Variants in C21orf58 observed in about 807,000 individuals in gnomAD.
The protein encoded by C21orf58 is uncharacterized protein C21orf58.
C21orf58 carries 34 observed loss-of-function variants against 35.8 expected under a neutral mutation model. The observed-to-expected ratio is 0.95, with a 90% CI of 0.72 to 1.26. C21orf58 has a LOEUF of 1.26. Ranked by LOEUF, C21orf58 falls within the 50% of genes most tolerant of loss-of-function variation. The probability of loss-of-function intolerance (pLI) is 0.00; values close to 1 mark genes in which losing one functional copy is unlikely to be tolerated. For missense variants in C21orf58, 440 were observed against 414.3 expected (o/e 1.06, Z -0.54); for synonymous variants, 191 against 175.8 (o/e 1.09, Z -0.68).
chr21:46,322,189 A>G (rs145825383), intron 1 of C21orf58, among the ~76,000 whole-genome samples: 1 of 152,142 alleles, frequency 6.6e-6, no homozygotes, highest in East Asian at 1.9e-4. Context: ...CAGGAGGCTG[A>G]CATGGAGAAT....
chr21:46,311,647 C>A, intron 5 of C21orf58, 80 bp from the exon 6 acceptor site: 1 of 761,836 alleles, frequency 1.3e-6, no homozygotes, highest in South Asian at 2.3e-5. Context: ...ATCCATCCAC[C>A]CACCCATCCA....
intron 6 of C21orf58, among the ~76,000 whole-genome samples, chr21:46,307,183 G>A (rs946755451): frequency 7.2e-5 from 11 of 151,762 alleles, no homozygotes; most frequent in Non-Finnish European, 1.6e-4. Context: ...GGTGTGAGCC[G>A]CTGCGCCCAG....
intron 6 of C21orf58, among the ~76,000 whole-genome samples, chr21:46,302,792 G>A (rs1269906826): frequency 1.9e-5 from 1 of 53,190 alleles, no homozygotes; most frequent in African/African-American, 8.1e-5. Flanking sequence ...CCCTGAGCCC[G>A]TCTGCACACG....
In C21orf58 at chr21:46,311,563, G is replaced by A; in HGVS notation, c.614C>T (p.Pro205Leu). ...DPPRIILPTV[P>L]QPPATIIQQL... is the part of the protein sequence containing the mutation. ...CTGAATGATGGTGGCAGGAGGCTGG[G>A]GGACCTAGGAACAGCCAGGTGATTA... The change falls in exon 6 of 8, where the codon CCC (proline) becomes CTC (leucine). Residue 205 changes from proline (P) to leucine (L), a missense_variant. Transcript: ENST00000291691. 6.2e-7 allele frequency: 1 copy of A among 1,605,318 alleles called. No individual in the cohort carries two copies. Among genetic ancestry groups the A allele is most frequent in the African/African-American group, 1.3e-5 (1 of 74,918 alleles).
At chr21:46,300,896 A>G, downstream of C21orf58, 1 of 961,210 alleles carries the variant, frequency 1.0e-6, no homozygotes, top group Non-Finnish European at 1.4e-6. Context: ...AAAAGTAACA[A>G]AAAGTAAAGA....
At position 46,315,491 on chromosome 21, in the gene C21orf58, G is replaced by A. The variant is rs770525970; in HGVS notation, c.427C>T (p.Leu143Phe). The change falls in exon 4 of 8, where the codon CTT becomes TTT. Residue 143 changes from leucine (L) to phenylalanine (F), a missense_variant. Transcript: ENST00000291691. ...GGGCCTACCCGGAGTCTCTGCAGAAGGTCCCTCCTTCTCTTCAGAGCAGTC... is the reference window on the plus strand; with the variant it reads ...GGGCCTACCCGGAGTCTCTGCAGAAAGTCCCTCCTTCTCTTCAGAGCAGTC... Reference protein sequence around the residue: ...LQTALKRRRDLLQRLREQHLL... With the variant: ...LQTALKRRRDFLQRLREQHLL... The A allele has an allele frequency of 1.7e-5, 27 of 1,608,826 alleles. No homozygotes were observed. In the Admixed American group the frequency reaches 4.0e-4, roughly 24 times the overall value.
At position 46,322,632 on chromosome 21, in the gene C21orf58, C is replaced by A; in HGVS notation, c.100+7G>T. The A allele has an allele frequency of 6.5e-7, 1 of 1,529,310 alleles. No homozygotes were observed. The highest frequency in any genetic ancestry group is 8.8e-7 in the Non-Finnish European group (1 of 1,135,652). 94.7% of individuals were successfully genotyped at this position (1,529,310 alleles called of 1,614,324 possible). A position where few individuals can be genotyped will look rare whatever the true frequency, so the allele number is the denominator to read the frequency against. On this transcript the variant is annotated splice_region_variant and intron_variant, in intron 1 of 7. Coordinates refer to ENST00000291691, the MANE Select transcript of C21orf58 (RefSeq NM_058180.5). ...GGAACCAGGAGACCGCTGGACACCC[C>A]GCTCACCACACAGAAGACTGTGGCC...
At chr21:46,315,677 T>A (rs1374751549) in intron 3 of C21orf58, 130 bp from the exon 4 acceptor site, 1 of 681,560 alleles carries the variant, frequency 1.5e-6, no homozygotes, top group African/African-American at 1.8e-5. Context: ...GGGGGAGGCC[T>A]GGGAGGATCC....
chr21:46,317,696 C>T (rs907897381), intron 2 of C21orf58, among the ~76,000 whole-genome samples: 4 of 152,212 alleles, frequency 2.6e-5, no homozygotes, highest in East Asian at 1.9e-4. Context: ...GCAGGGCTGG[C>T]GAAAGGTGGG....
intron 1 of C21orf58, chr21:46,318,651 G>A (rs2083062063): frequency 9.3e-7 from 1 of 1,078,078 alleles, no homozygotes; most frequent in Admixed American, 4.8e-5. Context: ...GGGAGGACAG[G>A]GTGAGGAGAC....
chr21:46,305,704 C>T (rs1327398169), intron 6 of C21orf58, among the ~76,000 whole-genome samples: 1 of 152,092 alleles, frequency 6.6e-6, no homozygotes, highest in East Asian at 1.9e-4. Context: ...CTTTGGGAGG[C>T]TGAGGTGGGC....
intron 2 of C21orf58, 182 bp from the exon 3 acceptor site, chr21:46,317,450 C>G: frequency 1.0e-6 from 1 of 993,146 alleles, no homozygotes; most frequent in Non-Finnish European, 1.5e-6. Flanking sequence ...CCTCTGTAAG[C>G]CTGACCTCTA....
At chr21:46,322,014 C>T (rs1417138983) in intron 1 of C21orf58, among the ~76,000 whole-genome samples, 2 of 146,630 alleles carry the variant, frequency 1.4e-5, no homozygotes, top group Non-Finnish European at 3.0e-5. Flanking sequence ...TGAGGCTGGG[C>T]GAGGTTGCTC....
intron 6 of C21orf58, among the ~76,000 whole-genome samples, chr21:46,306,845 C>T (rs1362249607): frequency 1.3e-5 from 2 of 152,126 alleles, no homozygotes; most frequent in African/African-American, 4.8e-5. Context: ...ACCTCGGCCT[C>T]CCAAAATGCT....
chr21:46,309,045 G>A (rs1421453261), intron 6 of C21orf58, among the ~76,000 whole-genome samples: 3 of 152,160 alleles, frequency 2.0e-5, no homozygotes, highest in East Asian at 1.9e-4. Context: ...TTGGCCAGGC[G>A]CAGTGGCTCA....
rs548061245 is a variant in C21orf58 at position 46,320,323 on chromosome 21, G to A, written c.101-2103C>T. ...TCACCATGTTGGCCAGACTGGTCTC[G>A]AACTCCTGACCTCAAGTGATCTGCC... On this transcript the variant is annotated intron_variant, in intron 1 of 7. Transcript: ENST00000291691. Among the ~76,000 whole-genome samples, 12 of 151,952 alleles carry A rather than the reference G, an allele frequency of 7.9e-5. 1 individual carries two copies. The highest frequency in any genetic ancestry group is 1.0e-4 in the Non-Finnish European group (7 of 67,946).
At chr21:46,318,974 G>C (rs1448255383) in intron 1 of C21orf58, 6 of 487,464 alleles carry the variant, frequency 1.2e-5, no homozygotes, top group African/African-American at 2.1e-5. Flanking sequence ...GTGGACCCGA[G>C]GGGCAGAGGT....
At chr21:46,316,491 G>T (rs951288284) in intron 3 of C21orf58, among the ~76,000 whole-genome samples, 5 of 152,080 alleles carry the variant, frequency 3.3e-5, no homozygotes, top group Non-Finnish European at 5.9e-5. Context: ...TTGGGGGAGG[G>T]TCTACACTCA....
chr21:46,303,710 T>A (rs1465784332), intron 6 of C21orf58, among the ~76,000 whole-genome samples: 1 of 36,100 alleles, frequency 2.8e-5, no homozygotes, highest in African/African-American at 1.2e-4. Flanking sequence ...ACACACAAAA[T>A]ATATATATAT....
Sources: allele counts gnomAD v4.1 joint callset (sites outside exome capture counted in the v4.1 genomes callset), GRCh38; gene constraint gnomAD v4.1.1; transcripts MANE v1.5; gene names NCBI Gene and HGNC (gene_info 2026-07-23, HGNC 2026-07-21).